Variants in FAF1 observed in about 807,000 individuals in gnomAD.
FAF1 encodes Fas associated factor 1, also known as FAS-associated factor 1.
In FAF1, 25 loss-of-function variants were observed where a neutral mutation model predicts 92.5. The observed-to-expected ratio is 0.27, with a 90% CI of 0.20 to 0.38. The LOEUF is 0.38. FAF1 is among the 10% of genes least tolerant of loss of function. The probability of loss-of-function intolerance (pLI) is 1.00; values close to 1 mark genes in which losing one functional copy is unlikely to be tolerated. For synonymous variants in FAF1, 234 were observed against 273.2 expected (o/e 0.86, Z 1.42); for missense variants, 636 against 793.3 (o/e 0.80, Z 2.38).
chr1:50,515,224 C>T (rs1401594780), intron 15 of FAF1, among the ~76,000 whole-genome samples: 1 of 152,124 alleles, frequency 6.6e-6, no homozygotes, highest in African/African-American at 2.4e-5. Context: ...TCTTTCTTTT[C>T]ATTCCCACAA....
intron 8 of FAF1, among the ~76,000 whole-genome samples, chr1:50,626,962 T>C (rs11205745): frequency 0.049 from 7,419 of 152,194 alleles, 607 homozygotes; most frequent in African/African-American, 0.17. Context: ...ACTCTTATCT[T>C]GCTTGTGGAA....
At chr1:50,466,671 T>C (rs1646500245) in intron 18 of FAF1, among the ~76,000 whole-genome samples, 1 of 152,214 alleles carries the variant, frequency 6.6e-6, no homozygotes, top group Non-Finnish European at 1.5e-5. Context: ...GTAATGATAA[T>C]AATGGATGAC....
intron 18 of FAF1, among the ~76,000 whole-genome samples, chr1:50,446,977 C>G (rs1384137119): frequency 6.6e-6 from 1 of 151,916 alleles, no homozygotes; most frequent in African/African-American, 2.4e-5. Context: ...TCTGCTGGTT[C>G]CCTAATAATT....
chr1:50,525,035 G>A (rs983153728), intron 15 of FAF1, among the ~76,000 whole-genome samples: 6 of 151,998 alleles, frequency 3.9e-5, no homozygotes, highest in Non-Finnish European at 2.9e-5. Flanking sequence ...ACAGGCACCT[G>A]CTACCATGCC....
intron 8 of FAF1, among the ~76,000 whole-genome samples, chr1:50,652,018 T>C (rs1228503944): frequency 2.6e-5 from 4 of 152,194 alleles, no homozygotes; most frequent in Non-Finnish European, 5.9e-5. Flanking sequence ...AACATCTTTG[T>C]TGTATCAAAT....
chr1:50,607,766 CCAGTGA>C lies in FAF1; in HGVS notation c.745-11556_745-11551del, dbSNP rs535203098. 2.8e-3 allele frequency among the ~76,000 whole-genome samples: 423 copies of C among 152,344 alleles called. 5 individuals carry two copies. The highest frequency in any genetic ancestry group is 4.6e-3 in the Non-Finnish European group (314 of 68,034). ...GGTATCTTTTGGTAGTCAATCATAT[CCAGTGA>C]CACTCGGACAAATCTTCCAGATAAA... On this transcript the variant is annotated intron_variant, in intron 8 of 18. Transcript: ENST00000396153.
At chr1:50,748,868 G>A (rs1028032054) in intron 4 of FAF1, among the ~76,000 whole-genome samples, 3 of 152,258 alleles carry the variant, frequency 2.0e-5, no homozygotes, top group African/African-American at 7.2e-5. Flanking sequence ...AGAGTGGGGG[G>A]AGAACTTAAG....
intron 4 of FAF1, among the ~76,000 whole-genome samples, chr1:50,761,341 G>A (rs1660318151): frequency 6.6e-6 from 1 of 152,166 alleles, no homozygotes; most frequent in African/African-American, 2.4e-5. Context: ...CATTTGATGA[G>A]GCCAGCATCA....
At chr1:50,477,487 T>C (rs1646652645) in intron 17 of FAF1, among the ~76,000 whole-genome samples, 1 of 152,276 alleles carries the variant, frequency 6.6e-6, no homozygotes, top group East Asian at 1.9e-4. Context: ...AAAATATATT[T>C]TTGCTTTTTT....
chr1:50,574,113 G>A (rs1433792430), intron 12 of FAF1, among the ~76,000 whole-genome samples: 6 of 152,256 alleles, frequency 3.9e-5, no homozygotes, highest in East Asian at 1.9e-4. Flanking sequence ...GCAACGGGGC[G>A]AGACTCTGTC....
rs1649220955 is a variant in FAF1, at chr1:50,549,883, C to T, written c.1269-10155G>A. ...CGATCCTTCTAAGTAACTGGGATTA[C>T]AGGCATGAGCCACTGTGCACAGCCA... On this transcript the variant is annotated intron_variant, in intron 13 of 18. Transcript: ENST00000396153. Among the ~76,000 whole-genome samples the T allele has an allele frequency of 2.0e-5, 3 of 152,298 alleles. No homozygotes were observed. In the Middle Eastern group the frequency reaches 0.01, roughly 518 times the overall value.
intron 10 of FAF1, 152 bp downstream of exon 10, chr1:50,584,533 C>A: frequency 1.5e-6 from 1 of 649,748 alleles, no homozygotes; most frequent in African/African-American, 1.9e-5. Flanking sequence ...ATTCAAAAGG[C>A]TCTGGTTCTA....
At chr1:50,448,372 CT>C (rs138634218) in intron 18 of FAF1, among the ~76,000 whole-genome samples, 2 of 151,780 alleles carry the variant, frequency 1.3e-5, no homozygotes, top group African/African-American at 4.8e-5. Context: ...AAATTGAGAC[CT>C]TTTTTTTGCC....
At chr1:50,529,914 G>T (rs1195995083) in intron 15 of FAF1, among the ~76,000 whole-genome samples, 1 of 152,072 alleles carries the variant, frequency 6.6e-6, no homozygotes, top group Non-Finnish European at 1.5e-5. Flanking sequence ...TCTGTGATTT[G>T]GGCCTCAGAA....
At chr1:50,545,340 T>C (rs1457842285) in intron 13 of FAF1, among the ~76,000 whole-genome samples, 6 of 152,170 alleles carry the variant, frequency 3.9e-5, no homozygotes, top group Non-Finnish European at 8.8e-5. Flanking sequence ...AGTGATGCCA[T>C]CTTGGCTTAC....
At chr1:50,718,013 T>G (rs1454797537) in intron 6 of FAF1, among the ~76,000 whole-genome samples, 3 of 150,402 alleles carry the variant, frequency 2.0e-5, no homozygotes, top group Non-Finnish European at 4.4e-5. Context: ...ATTTATTTAT[T>G]TATTTATTTA....
chr1:50,560,525 C>T (rs1237834136), intron 13 of FAF1, among the ~76,000 whole-genome samples: 1 of 152,210 alleles, frequency 6.6e-6, no homozygotes, highest in Non-Finnish European at 1.5e-5. Context: ...GCACTATTGG[C>T]AACTCCTGGG....
intron 4 of FAF1, among the ~76,000 whole-genome samples, chr1:50,765,700 A>G (rs919744896): frequency 6.6e-6 from 1 of 152,208 alleles, no homozygotes; most frequent in African/African-American, 2.4e-5. Flanking sequence ...CTGGACCTCA[A>G]ATTCCACATG....
At chr1:50,615,836 G>A (rs928490016) in intron 8 of FAF1, among the ~76,000 whole-genome samples, 1 of 151,990 alleles carries the variant, frequency 6.6e-6, no homozygotes, top group African/African-American at 2.4e-5. Flanking sequence ...TTATTTTTCT[G>A]TGCAGATGCT....
Sources: gnomAD v4.1 joint callset for allele counts (sites outside exome capture counted in the v4.1 genomes callset) on GRCh38, gnomAD v4.1.1 for gene constraint, MANE v1.5 for transcripts, NCBI Gene and HGNC (gene_info 2026-07-23, HGNC 2026-07-21) for gene names.